Variants in L3MBTL4 observed in about 807,000 individuals in gnomAD.
The protein encoded by L3MBTL4 is lethal(3)malignant brain tumor-like protein 4.
L3MBTL4 carries 70 observed loss-of-function variants against 84.5 expected under a neutral mutation model. The observed-to-expected ratio is 0.83, with a 90% CI of 0.68 to 1.01. The LOEUF (loss-of-function observed/expected upper bound fraction) is 1.01. Among genes scored for constraint, L3MBTL4 ranks in the 50% least tolerant of loss-of-function variants. The probability of loss-of-function intolerance (pLI) is 0.00; values close to 1 mark genes in which losing one functional copy is unlikely to be tolerated. For synonymous variants in L3MBTL4, 274 were observed against 259.8 expected (o/e 1.05, Z -0.52); for missense variants, 715 against 754.8 (o/e 0.95, Z 0.62).
chr18:6,287,141 T>C (rs1304367596), intron 4 of L3MBTL4, among the ~76,000 whole-genome samples: 2 of 152,198 alleles, frequency 1.3e-5, no homozygotes, highest in African/African-American at 2.4e-5. Context: ...ATCACCTAGA[T>C]AAATTTAGTT....
At chr18:6,294,666 C>T (rs1199168226) in intron 4 of L3MBTL4, among the ~76,000 whole-genome samples, 1 of 152,124 alleles carries the variant, frequency 6.6e-6, no homozygotes, top group Non-Finnish European at 1.5e-5. Context: ...CAAATGTCTC[C>T]ACTAGAACTA....
chr18:6,029,399 A>G (rs2055667385), intron 16 of L3MBTL4: 7 of 874,326 alleles, frequency 8.0e-6, no homozygotes, highest in African/African-American at 1.8e-5. Flanking sequence ...TGTAGGTGAC[A>G]TGTTTATTTA....
intron 1 of L3MBTL4, among the ~76,000 whole-genome samples, chr18:6,408,307 G>T (rs2055819775): frequency 1.3e-5 from 2 of 152,082 alleles, no homozygotes; most frequent in South Asian, 4.2e-4. Flanking sequence ...CACATTCATG[G>T]TAAATAAGAA....
At chr18:6,086,997 C>T (rs2058280856) in intron 15 of L3MBTL4, among the ~76,000 whole-genome samples, 1 of 152,184 alleles carries the variant, frequency 6.6e-6, no homozygotes, top group Non-Finnish European at 1.5e-5. Flanking sequence ...GCCATCCCAC[C>T]TAAGTTCAAA....
chr18:6,044,518 T>C (rs1228154908), intron 16 of L3MBTL4, among the ~76,000 whole-genome samples: 1 of 152,164 alleles, frequency 6.6e-6, no homozygotes, highest in African/African-American at 2.4e-5. Context: ...CATGCTGGCT[T>C]CCATGGTGAA....
chr18:6,339,552 G>A (rs2052508242), intron 1 of L3MBTL4, among the ~76,000 whole-genome samples: 1 of 150,474 alleles, frequency 6.6e-6, no homozygotes, highest in Non-Finnish European at 1.5e-5. Flanking sequence ...AAAAGGAACA[G>A]AAAATCAAAT....
intron 1 of L3MBTL4, among the ~76,000 whole-genome samples, chr18:6,407,397 G>GA (rs149274968): frequency 3.3e-5 from 5 of 151,640 alleles, no homozygotes; most frequent in South Asian, 2.1e-4. Flanking sequence ...AGAGAAAGGG[G>GA]AAAAAAAATC....
chr18:6,025,183 CCAGAACTGGAACA>C (rs1367940290), intron 16 of L3MBTL4: 8 of 152,208 alleles, frequency 5.3e-5, no homozygotes, highest in Admixed American at 3.3e-4. Context: ...AAATGACATT[CCAGAACTGGAACA>C]CATAGCTAAG....
intron 13 of L3MBTL4, among the ~76,000 whole-genome samples, chr18:6,150,041 T>C (rs1426786737): frequency 5.3e-5 from 8 of 152,210 alleles, no homozygotes; most frequent in Non-Finnish European, 8.8e-5. Context: ...GCTTATGAAT[T>C]GGTTTTGAGC....
intron 12 of L3MBTL4, among the ~76,000 whole-genome samples, chr18:6,195,175 T>C (rs956481470): frequency 2.0e-4 from 31 of 152,162 alleles, no homozygotes; most frequent in South Asian, 4.1e-4. Flanking sequence ...CTTCTGATGT[T>C]GGGTTGAGAG....
chr18:6,195,238 G>T (rs1021975794), intron 12 of L3MBTL4, among the ~76,000 whole-genome samples: 5 of 152,250 alleles, frequency 3.3e-5, no homozygotes, highest in African/African-American at 1.2e-4. Context: ...AGTAACCAGG[G>T]TCTGTCCTGG....
At chr18:6,388,572 A>T (rs2054917643) in intron 1 of L3MBTL4, among the ~76,000 whole-genome samples, 1 of 152,196 alleles carries the variant, frequency 6.6e-6, no homozygotes, top group Non-Finnish European at 1.5e-5. Context: ...ATAAAGAGGA[A>T]GGAAAGGATG....
intron 13 of L3MBTL4, among the ~76,000 whole-genome samples, chr18:6,155,649 A>C (rs2043071582): frequency 6.6e-6 from 1 of 152,214 alleles, no homozygotes; most frequent in South Asian, 2.1e-4. Flanking sequence ...ATTTGAAATG[A>C]ATACCAAAGC....
At chr18:6,130,707 C>T (rs1320530006) in intron 14 of L3MBTL4, among the ~76,000 whole-genome samples, 1 of 152,164 alleles carries the variant, frequency 6.6e-6, no homozygotes, top group Non-Finnish European at 1.5e-5. Flanking sequence ...AATTTCGTAT[C>T]TAATCCTGGA....
chr18:6,320,614 C>T (rs1037042591), intron 1 of L3MBTL4, among the ~76,000 whole-genome samples: 1 of 152,044 alleles, frequency 6.6e-6, no homozygotes, highest in East Asian at 1.9e-4. Context: ...AATGGAAATA[C>T]ATCCCATGCT....
chr18:6,155,935 T>C (rs1240028859), intron 13 of L3MBTL4, among the ~76,000 whole-genome samples: 4 of 152,250 alleles, frequency 2.6e-5, no homozygotes, highest in Non-Finnish European at 5.9e-5. Flanking sequence ...CCTCTACTTG[T>C]AAAATAAAAC....
chr18:6,001,271 G>C (rs491925), intron 16 of L3MBTL4, among the ~76,000 whole-genome samples: 114,888 of 152,242 alleles, frequency 0.75, 43,772 homozygotes, highest in Non-Finnish European at 0.78. Flanking sequence ...AAAAATTTCC[G>C]TCCAGTTTTC....
intron 10 of L3MBTL4, among the ~76,000 whole-genome samples, chr18:6,235,957 T>C (rs1445115555): frequency 6.6e-6 from 1 of 152,180 alleles, no homozygotes; most frequent in Non-Finnish European, 1.5e-5. Flanking sequence ...CCTTTATAAA[T>C]GGAAAGAAGT....
chr18:5,965,547 T>C (rs1328749160), intron 17 of L3MBTL4, among the ~76,000 whole-genome samples: 1 of 152,126 alleles, frequency 6.6e-6, no homozygotes, highest in Non-Finnish European at 1.5e-5. Context: ...TGAACTGCCA[T>C]TCACATCATT....
Sources: allele counts gnomAD v4.1 joint callset (sites outside exome capture counted in the v4.1 genomes callset), GRCh38; gene constraint gnomAD v4.1.1; transcripts MANE v1.5; gene names NCBI Gene and HGNC (gene_info 2026-07-23, HGNC 2026-07-21).